Variants in LRRC43 observed in about 807,000 individuals in gnomAD.
LRRC43 encodes the protein leucine-rich repeat-containing protein 43.
LRRC43 carries 62 observed loss-of-function variants against 64.3 expected under a neutral mutation model. The observed-to-expected ratio is 0.96, with a 90% CI of 0.79 to 1.19. The LOEUF (loss-of-function observed/expected upper bound fraction) is 1.19, where lower values mean the gene tolerates loss of function less well. Among genes scored for constraint, LRRC43 ranks in the 50% most tolerant of loss-of-function variants. The pLI, the probability that LRRC43 is intolerant of heterozygous loss-of-function variation, is 0.00. For missense variants in LRRC43, 868 were observed against 845.0 expected (o/e 1.03, Z -0.34); for synonymous variants, 422 against 382.3 (o/e 1.10, Z -1.21).
At position 122,203,404 on chromosome 12, in the gene LRRC43, C is replaced by G. The variant is rs578142899; in HGVS notation, c.1933C>G (p.Arg645Gly). ...GGTGCAGATCCAGCTGAACCAGTGC[C>G]GCTCGGCGGAGGAGGCTCTGCGCAT... ...VEVQIQLNQC[R>G]SAEEALRMFA... The change falls in exon 12 of 12, where the codon CGC becomes GGC. Residue 645 changes from arginine to glycine, a missense_variant. Arg to Gly is a moderately radical substitution (Grantham distance 125). Coordinates refer to ENST00000339777, the MANE Select transcript of LRRC43 (RefSeq NM_001098519.2). 7.4e-6 allele frequency: 12 copies of G among 1,612,314 alleles called. 1 individual carries two copies. The South Asian group carries it at 1.3e-4, about 18-fold the overall frequency.
At chr12:122,191,628 G>A in intron 6 of LRRC43, 61 bp downstream of exon 6, 1 of 1,310,646 alleles carries the variant, frequency 7.6e-7, no homozygotes, top group Non-Finnish European at 1.1e-6. Flanking sequence ...ACTGCTTTGT[G>A]GGCCCCAGGA....
At chr12:122,173,576 C>T (rs916077238) in intron 1 of LRRC43, among the ~76,000 whole-genome samples, 1 of 151,782 alleles carries the variant, frequency 6.6e-6, no homozygotes, top group East Asian at 1.9e-4. Flanking sequence ...CCCAGCTACT[C>T]GGGAGGCTGA....
chr12:122,173,553 G>A lies in LRRC43; in HGVS notation c.-406+5771G>A, dbSNP rs559278547. Among the ~76,000 whole-genome samples, 7 of 152,154 alleles carry A rather than the reference G, an allele frequency of 4.6e-5. No homozygotes were observed. In the East Asian group the frequency reaches 1.2e-3, roughly 25 times the overall value. On this transcript the variant is annotated intron_variant, in intron 1 of 5. Coordinates refer to the LRRC43 transcript ENST00000537729. ...ATGAAAATTAGCTGGGCGTGGTGGC[G>A]CATGCCTGTAGTCCCAGCTACTCGG...
chr12:122,180,889 A>C (rs1294553257), upstream of LRRC43, among the ~76,000 whole-genome samples: 1 of 152,138 alleles, frequency 6.6e-6, no homozygotes, highest in Non-Finnish European at 1.5e-5. Flanking sequence ...TCCTTGATTT[A>C]TTTATATCAC....
At chr12:122,175,243 C>G (rs553059807) in intron 1 of LRRC43, among the ~76,000 whole-genome samples, 42 of 151,974 alleles carry the variant, frequency 2.8e-4, no homozygotes, top group Admixed American at 4.6e-4. Context: ...AATCTCGGCT[C>G]ACTGCAACCT....
intron 6 of LRRC43, among the ~76,000 whole-genome samples, chr12:122,191,868 G>C (rs1953722694): frequency 6.6e-6 from 1 of 152,082 alleles, no homozygotes; most frequent in Non-Finnish European, 1.5e-5. Context: ...TGACCAGGCT[G>C]GTCTGGAACT....
At chr12:122,198,067 G>GC (rs1172844610) in intron 7 of LRRC43, among the ~76,000 whole-genome samples, 1 of 151,722 alleles carries the variant, frequency 6.6e-6, no homozygotes, top group Admixed American at 6.6e-5. Flanking sequence ...CACAACCTCC[G>GC]CCTCCCGGGT....
chr12:122,182,145 T>C (rs970576123), upstream of LRRC43, among the ~76,000 whole-genome samples: 1 of 151,360 alleles, frequency 6.6e-6, no homozygotes, highest in South Asian at 2.1e-4. Flanking sequence ...CCCAACACTT[T>C]GGGAGGCTGA....
At chr12:122,199,848 T>A (rs1953814669) in intron 7 of LRRC43, among the ~76,000 whole-genome samples, 1 of 152,152 alleles carries the variant, frequency 6.6e-6, no homozygotes, top group East Asian at 1.9e-4. Flanking sequence ...CTTCCCAAAG[T>A]GCTGGGATTA....
At chr12:122,183,899 C>T (rs1000057433) in intron 1 of LRRC43, among the ~76,000 whole-genome samples, 1 of 151,934 alleles carries the variant, frequency 6.6e-6, no homozygotes, top group Non-Finnish European at 1.5e-5. Context: ...TGCCACCATG[C>T]CCGGCTAATT....
intron 1 of LRRC43, among the ~76,000 whole-genome samples, chr12:122,175,729 C>G (rs984338974): frequency 6.6e-6 from 1 of 151,836 alleles, no homozygotes; most frequent in Non-Finnish European, 1.5e-5. Context: ...TGCAATAGCA[C>G]GATCTCGGCT....
chr12:122,175,137 C>T (rs1321775364), intron 1 of LRRC43, among the ~76,000 whole-genome samples: 1 of 151,366 alleles, frequency 6.6e-6, no homozygotes, highest in East Asian at 1.9e-4. Context: ...ACTGCGCCAG[C>T]CTAGAAACTT....
chr12:122,201,456 TC>T, intron 11 of LRRC43, 127 bp downstream of exon 11: 1 of 796,952 alleles, frequency 1.3e-6, no homozygotes, highest in South Asian at 1.5e-5. Flanking sequence ...AGAGGCCACA[TC>T]CCCCCTTAGA....
In LRRC43 at chr12:122,200,111, C is replaced by T. The variant is rs1000501121; in HGVS notation, c.1350-78C>T. 11 of 1,487,572 alleles carry T rather than the reference C, an allele frequency of 7.4e-6. No individual in the cohort carries two copies. The highest frequency in any genetic ancestry group is 9.2e-7 in the Non-Finnish European group (1 of 1,091,226). The allele number at this position is 1,487,572 out of a possible 1,614,324, so 92.1% of individuals were successfully genotyped here. A position where few individuals can be genotyped will look rare whatever the true frequency, so the allele number is the denominator to read the frequency against. Reference sequence around the variant, plus strand: ...GATGCTCGTGGTCTCCTCGGATGTCCCCTCACAGTCCTGTCCCGGGTCCCT... The same window carrying T: ...GATGCTCGTGGTCTCCTCGGATGTCTCCTCACAGTCCTGTCCCGGGTCCCT... On this transcript the variant is annotated intron_variant, in intron 7 of 11. Transcript: ENST00000339777. The surrounding 1 kb of genome is among the most constrained non-coding windows in gnomAD (Gnocchi z 4.6).
Position 122,187,771 on chromosome 12 carries a change from A to G in LRRC43, c.593A>G (p.Gln198Arg). The G allele has an allele frequency of 6.2e-7, 1 of 1,614,114 alleles. No homozygotes were observed. Among genetic ancestry groups the G allele is most frequent in the Non-Finnish European group, 8.5e-7 (1 of 1,179,992 alleles). Reference sequence around the variant, plus strand: ...TGTGCCCACCCACCCGCCGGCCTGCAGCACTTGGGGTTAGGCCACAACAAA... The same window carrying G: ...TGTGCCCACCCACCCGCCGGCCTGCGGCACTTGGGGTTAGGCCACAACAAA... ...CLCAHPPAGL[Q>R]HLGLGHNKLL... is the part of the protein sequence containing the mutation. Residue 198 changes from glutamine (Q) to arginine (R), a missense_variant, in exon 4 of 12, where the codon CAG becomes CGG. Physicochemically the swap from Gln to Arg is conservative, Grantham distance 43 (BLOSUM62 1). Transcript: ENST00000339777.
chr12:122,181,689 T>G (rs1419943292), upstream of LRRC43, among the ~76,000 whole-genome samples: 19 of 144,476 alleles, frequency 1.3e-4, no homozygotes, highest in Non-Finnish European at 2.3e-4. Context: ...CACTGCAACC[T>G]CCGCCTCCTG....
At chr12:122,186,984 A>T (rs1365453758) in intron 3 of LRRC43, among the ~76,000 whole-genome samples, 3 of 152,188 alleles carry the variant, frequency 2.0e-5, no homozygotes, top group Non-Finnish European at 4.4e-5. Context: ...CCTGAATCCC[A>T]GCACTCTGGG....
intron 1 of LRRC43, chr12:122,172,372 G>T (rs1178220444): frequency 7.0e-7 from 1 of 1,421,720 alleles, no homozygotes; most frequent in Non-Finnish European, 9.8e-7. Context: ...TCTTTTTAAG[G>T]CTCCTTAAGT....
rs756027291 is a variant in LRRC43 at position 122,190,187 on chromosome 12, G to T, written c.720G>T (p.Met240Ile). 1.2e-6 allele frequency: 2 copies of T among 1,614,102 alleles called. No individual in the cohort carries two copies. Among genetic ancestry groups the T allele is most frequent in the Admixed American group, 1.7e-5 (1 of 60,008 alleles). The change falls in exon 5 of 12, where the codon ATG (methionine) becomes ATT (isoleucine). Residue 240 changes from methionine (M) to isoleucine (I), a missense_variant. By Grantham distance (10) the Met-to-Ile change is conservative. Coordinates refer to ENST00000339777, the MANE Select transcript of LRRC43 (RefSeq NM_001098519.2). ...GFNDLTDLQS[M>I]VTSLRTLRHL... ...ACGACCTGACAGACCTGCAGAGCAT[G>T]GTCACCAGCCTGAGGACCCTCCGGC...
Sources: gnomAD v4.1 joint callset for allele counts (sites outside exome capture counted in the v4.1 genomes callset) on GRCh38, gnomAD v4.1.1 for gene constraint, Gnocchi (gnomAD v3.1) non-coding constraint, MANE v1.5 for transcripts, NCBI Gene and HGNC (gene_info 2026-07-23, HGNC 2026-07-21) for gene names.